The following SYTL2 variants were observed in gnomAD, a reference collection of about 807,000 sequenced individuals.
The protein encoded by SYTL2 is synaptotagmin-like protein 2.
In SYTL2, 165 loss-of-function variants were observed where a neutral mutation model predicts 198.7. The observed-to-expected ratio is 0.83, with a 90% CI of 0.73 to 0.94. The LOEUF is 0.94. Ranked by LOEUF, SYTL2 falls within the 40% of genes least tolerant of loss-of-function variation. SYTL2 has a pLI of 0.00. For synonymous variants in SYTL2, 966 were observed against 917.7 expected (o/e 1.05, Z -0.95); for missense variants, 2,835 against 2,582.8 (o/e 1.10, Z -2.12).
intron 7 of SYTL2, among the ~76,000 whole-genome samples, chr11:85,728,452 A>G (rs763455888): frequency 1.3e-4 from 20 of 151,698 alleles, no homozygotes; most frequent in Non-Finnish European, 1.5e-4. Context: ...ACGCTCAGCT[A>G]ATTTTTGTAT....
At chr11:85,738,178 C>T (rs1422106129) in intron 4 of SYTL2, among the ~76,000 whole-genome samples, 1 of 152,134 alleles carries the variant, frequency 6.6e-6, no homozygotes, top group Non-Finnish European at 1.5e-5. Flanking sequence ...AATAATTTGC[C>T]CCCAAGGCCA....
intron 1 of SYTL2, among the ~76,000 whole-genome samples, chr11:85,799,375 G>A (rs895363711): frequency 2.6e-5 from 4 of 152,140 alleles, no homozygotes; most frequent in African/African-American, 7.2e-5. Flanking sequence ...ACCAGTTAGA[G>A]GAGGGAAAGA....
intron 15 of SYTL2, among the ~76,000 whole-genome samples, chr11:85,705,464 C>T (rs2084983051): frequency 6.6e-6 from 1 of 152,086 alleles, no homozygotes; most frequent in Non-Finnish European, 1.5e-5. Flanking sequence ...CAAAACTGAG[C>T]AGAAAGAACA....
chr11:85,839,380 C>G, the SYTL2 span, among the ~76,000 whole-genome samples: 1 of 152,188 alleles, frequency 6.6e-6, no homozygotes, highest in African/African-American at 2.4e-5. Context: ...CTCAATTTCA[C>G]CATCCCCACC....
intron 1 of SYTL2, among the ~76,000 whole-genome samples, chr11:85,760,995 GATGTCCAGC>G (rs2092080391): frequency 6.6e-6 from 1 of 152,184 alleles, no homozygotes; most frequent in African/African-American, 2.4e-5. Flanking sequence ...TATTCTGGAT[GATGTCCAGC>G]ATGGGAGCTA....
chr11:85,825,386 T>TC, the SYTL2 span, among the ~76,000 whole-genome samples: 3 of 24,954 alleles, frequency 1.2e-4, no homozygotes, highest in Admixed American at 1.2e-3. Flanking sequence ...AGACTCCGTC[T>TC]CAAAAAAAAA....
In SYTL2 at chr11:85,695,108, G is replaced by A; in HGVS notation, c.*87C>T. The A allele has an allele frequency of 7.3e-7, 1 of 1,375,060 alleles. No individual in the cohort carries two copies. The highest frequency in any genetic ancestry group is 1.0e-6 in the Non-Finnish European group (1 of 998,238). 85.2% of individuals were successfully genotyped at this position (1,375,060 alleles called of 1,614,324 possible). ...TCCTTAGGTGCAATAGATAGAAAGT[G>A]AGGATATTTGTCCACCTACTCAGAT... On this transcript the variant is annotated 3_prime_UTR_variant, in exon 20 of 20. Transcript: ENST00000359152.
At chr11:85,796,619 C>T (rs559808445) in intron 1 of SYTL2, among the ~76,000 whole-genome samples, 1 of 152,296 alleles carries the variant, frequency 6.6e-6, no homozygotes, top group South Asian at 2.1e-4. Context: ...GTACCATGAG[C>T]TTTGGAACTG....
the SYTL2 span, among the ~76,000 whole-genome samples, chr11:85,852,330 GA>G: frequency 1.3e-5 from 2 of 152,118 alleles, no homozygotes; most frequent in Non-Finnish European, 2.9e-5. Context: ...ACGCTCCTAG[GA>G]TGTAAAAGAA....
chr11:85,807,898 CA>C (rs1306575004), intron 1 of SYTL2, among the ~76,000 whole-genome samples: 1 of 152,058 alleles, frequency 6.6e-6, no homozygotes. Flanking sequence ...TACATTCTGT[CA>C]AAAACAATCT....
At chr11:85,731,820 T>C (rs1268612003) in intron 7 of SYTL2, among the ~76,000 whole-genome samples, 1 of 152,176 alleles carries the variant, frequency 6.6e-6, no homozygotes, top group Admixed American at 6.5e-5. Context: ...GAGAAAATTT[T>C]TGCAATCTAT....
the SYTL2 span, among the ~76,000 whole-genome samples, chr11:85,832,092 T>C: frequency 6.6e-6 from 1 of 152,192 alleles, no homozygotes; most frequent in Non-Finnish European, 1.5e-5. Flanking sequence ...AGGAGTATGC[T>C]GAAATTGCAT....
chr11:85,765,822 TC>T (rs890650658), intron 1 of SYTL2, among the ~76,000 whole-genome samples: 2 of 152,144 alleles, frequency 1.3e-5, no homozygotes, highest in African/African-American at 4.8e-5. Context: ...TCCCTGGGTT[TC>T]TGAAAAGCTC....
chr11:85,712,701 C>T (rs922876408), intron 12 of SYTL2, among the ~76,000 whole-genome samples: 2 of 148,454 alleles, frequency 1.3e-5, no homozygotes, highest in African/African-American at 4.9e-5. Context: ...CATATACACA[C>T]ACACACACAC....
chr11:85,844,985 C>T, the SYTL2 span, among the ~76,000 whole-genome samples: 17 of 152,300 alleles, frequency 1.1e-4, no homozygotes, highest in Admixed American at 5.9e-4. Context: ...ATTAGAAACT[C>T]ATCATTTTCG....
At chr11:85,776,002 G>A (rs897740473) in intron 1 of SYTL2, among the ~76,000 whole-genome samples, 3 of 152,104 alleles carry the variant, frequency 2.0e-5, no homozygotes, top group Non-Finnish European at 4.4e-5. Flanking sequence ...TGGTGATGGG[G>A]GTAGATCCCT....
intron 6 of SYTL2, among the ~76,000 whole-genome samples, 176 bp from the exon 7 acceptor site, chr11:85,734,918 C>T (rs2090185229): frequency 6.6e-6 from 1 of 152,180 alleles, no homozygotes; most frequent in African/African-American, 2.4e-5. Context: ...TGCATTGGAG[C>T]ACAGAGGACT....
chr11:85,827,102 C>T, the SYTL2 span, among the ~76,000 whole-genome samples: 1 of 152,180 alleles, frequency 6.6e-6, no homozygotes, highest in African/African-American at 2.4e-5. Context: ...GACCTGGTGG[C>T]TTTCAATCAT....
intron 10 of SYTL2, 45 bp downstream of exon 10, chr11:85,718,745 G>C: frequency 1.3e-6 from 2 of 1,589,390 alleles, no homozygotes; most frequent in Non-Finnish European, 1.7e-6. Context: ...AATCACCCCA[G>C]AAGTTAATAC....
Sources: allele counts gnomAD v4.1 joint callset (sites outside exome capture counted in the v4.1 genomes callset), GRCh38; gene constraint gnomAD v4.1.1; transcripts MANE v1.5; gene names NCBI Gene and HGNC (gene_info 2026-07-23, HGNC 2026-07-21).